The following EP300 variants were observed in gnomAD, a reference collection of about 807,000 sequenced individuals.
The protein encoded by EP300 is EP300 lysine acetyltransferase.
A neutral mutation model predicts 264.0 loss-of-function variants in EP300; 31 were observed. That is an observed-to-expected ratio of 0.12 (90% confidence interval 0.09 to 0.16). EP300 has a LOEUF of 0.16. Ranked by LOEUF, EP300 falls within the 10% of genes least tolerant of loss-of-function variation. EP300 has a pLI of 1.00. For synonymous variants in EP300, 1,340 were observed against 1,045.4 expected, an observed-to-expected ratio of 1.28 and a Z score of -5.44; for missense variants, 2,766 against 3,052.9, an observed-to-expected ratio of 0.91 and a Z score of 2.21.
At chr22:41,119,678 G>A (rs1303819963) in intron 2 of EP300, among the ~76,000 whole-genome samples, 2 of 152,084 alleles carry the variant, frequency 1.3e-5, no homozygotes, top group Non-Finnish European at 2.9e-5. Flanking sequence ...GACTATTATG[G>A]TTATAATCTT....
rs934845795 is a variant in EP300 at position 41,165,420 on chromosome 22, ATTTTCTTT to A, written c.3807-1166_3807-1159del. Among the ~76,000 whole-genome samples, 4 of 151,972 alleles carry A rather than the reference ATTTTCTTT, an allele frequency of 2.6e-5. No individual in the cohort carries two copies. In the East Asian group the frequency reaches 5.8e-4, roughly 22 times the overall value. The stretch of plus-strand genomic sequence containing the variant: ...CACTCTTTTGTACATACAATCATAC[ATTTTCTTT>A]TTTTCTTTTTTTGAGACAGAGTTTC... On this transcript the variant is annotated intron_variant, in intron 22 of 30. Transcript: ENST00000263253.
Position 41,146,861 on chromosome 22 carries a change from G to A in EP300, c.2131+45G>A, listed in dbSNP as rs191844376. 7.5e-5 allele frequency: 115 copies of A among 1,523,312 alleles called. No individual in the cohort carries two copies. The African/African-American group carries it at 1.1e-3, about 15-fold the overall frequency. 94.4% of individuals were successfully genotyped at this position (1,523,312 alleles called of 1,614,324 possible). A position where few individuals can be genotyped will look rare whatever the true frequency, so the allele number is the denominator to read the frequency against. On this transcript the variant is annotated intron_variant, in intron 11 of 30. Coordinates refer to ENST00000263253, the MANE Select transcript of EP300 (RefSeq NM_001429.4). Reference sequence around the variant, plus strand: ...TTTTTATTTTAAAAGAATCCCCGGTGTACTGCAAGATAATACTTGCTACCT... The same window carrying A: ...TTTTTATTTTAAAAGAATCCCCGGTATACTGCAAGATAATACTTGCTACCT...
chr22:41,097,813 T>G (rs770553375), intron 1 of EP300, among the ~76,000 whole-genome samples: 25 of 150,950 alleles, frequency 1.7e-4, no homozygotes, highest in Non-Finnish European at 2.9e-4. Context: ...TGAGGCAGAG[T>G]CTCGCTTTGT....
chr22:41,160,390 T>C (rs1181797496), intron 19 of EP300: 3 of 459,572 alleles, frequency 6.5e-6, no homozygotes, highest in Non-Finnish European at 1.2e-5. Flanking sequence ...TCCCTCATGC[T>C]TGTCGTTGTC....
intron 29 of EP300, among the ~76,000 whole-genome samples, chr22:41,175,456 C>G (rs2059195049): frequency 6.6e-6 from 1 of 152,190 alleles, no homozygotes; most frequent in African/African-American, 2.4e-5. Context: ...ACCTTTTACA[C>G]TAATGGTTAT....
chr22:41,104,231 C>T (rs1403377150), intron 1 of EP300, among the ~76,000 whole-genome samples: 1 of 151,800 alleles, frequency 6.6e-6, no homozygotes, highest in Non-Finnish European at 1.5e-5. Flanking sequence ...TAAAACATGT[C>T]CTTGAGTTGA....
Position 41,179,170 on chromosome 22 carries a change from G to T in EP300, c.*214G>T. 1.7e-6 allele frequency: 1 copy of T among 605,088 alleles called. No homozygotes were observed. The highest frequency in any genetic ancestry group is 2.9e-5 in the East Asian group (1 of 34,360). The allele number at this position is 605,088 out of a possible 1,614,324, so 37.5% of individuals were successfully genotyped here. On this transcript the variant is annotated 3_prime_UTR_variant, in exon 31 of 31. Transcript: ENST00000263253. ...CAAAGAATATATTTTTGTTATGGCT[G>T]GTTACCACCAGCCTTTCTTCCCCTT...
chr22:41,163,946 C>T (rs981281670), intron 21 of EP300, 107 bp from the exon 22 acceptor site: 1 of 1,021,238 alleles, frequency 9.8e-7, no homozygotes, highest in Non-Finnish European at 1.6e-6. Context: ...ATTTTCAGTT[C>T]TTTGGTCATG....
chr22:41,136,037 A>G, intron 7 of EP300, 131 bp downstream of exon 7: 2 of 769,400 alleles, frequency 2.6e-6, no homozygotes, highest in African/African-American at 1.7e-5. Context: ...GTTTGAGTCC[A>G]TTCTTTCTTT....
At chr22:41,112,798 T>A (rs2058800556) in intron 1 of EP300, among the ~76,000 whole-genome samples, 1 of 152,094 alleles carries the variant, frequency 6.6e-6, no homozygotes, top group Non-Finnish European at 1.5e-5. Context: ...AATTCGGATA[T>A]GGTGCTTTCT....
rs551648562 is a variant in EP300, at chr22:41,129,793, A to C, written c.1169-97A>C. 6.5e-5 allele frequency: 56 copies of C among 860,574 alleles called. No individual in the cohort carries two copies. The Middle Eastern group carries it at 1.1e-3, about 17-fold the overall frequency. The allele number at this position is 860,574 out of a possible 1,614,324, so 53.3% of individuals were successfully genotyped here. A position where few individuals can be genotyped will look rare whatever the true frequency, so the allele number is the denominator to read the frequency against. ...GCTGTTAGGAAGATGAAATAAGTTAATGCATTTATGTTACTTATTAAGTGG... is the reference window on the plus strand; with the variant it reads ...GCTGTTAGGAAGATGAAATAAGTTACTGCATTTATGTTACTTATTAAGTGG... On this transcript the variant is annotated intron_variant, in intron 4 of 30. Coordinates refer to ENST00000263253, the MANE Select transcript of EP300 (RefSeq NM_001429.4).
intron 23 of EP300, among the ~76,000 whole-genome samples, chr22:41,167,814 G>GGTTTGT (rs71328778): frequency 3.0e-5 from 2 of 66,208 alleles, no homozygotes; most frequent in East Asian, 4.4e-4. Flanking sequence ...GTTTGTTTTT[G>GGTTTGT]TTTTTTTTTT....
At chr22:41,102,480 C>G (rs2058737148) in intron 1 of EP300, among the ~76,000 whole-genome samples, 1 of 152,134 alleles carries the variant, frequency 6.6e-6, no homozygotes. Context: ...TGCTGTCTGA[C>G]TGGTAGAATA....
chr22:41,172,697 C>T (rs1219885329), intron 28 of EP300, 34 bp downstream of exon 28: 5 of 1,597,286 alleles, frequency 3.1e-6, no homozygotes, highest in Non-Finnish European at 4.3e-6. Context: ...AAACTTCTAT[C>T]ATGATTCTAA....
chr22:41,105,296 A>C (rs1014206013), intron 1 of EP300, among the ~76,000 whole-genome samples: 31 of 146,254 alleles, frequency 2.1e-4, no homozygotes, highest in African/African-American at 7.3e-4. Context: ...TGAACCCGGG[A>C]GGCGGAGGTT....
chr22:41,158,351 C>G (rs771831838), intron 18 of EP300, 61 bp from the exon 19 acceptor site: 12 of 1,381,926 alleles, frequency 8.7e-6, no homozygotes, highest in Non-Finnish European at 1.1e-5. Flanking sequence ...ACTTGCCATT[C>G]TTACTGTTCT....
At chr22:41,116,508 C>G (rs930266966) in intron 1 of EP300, among the ~76,000 whole-genome samples, 1 of 152,160 alleles carries the variant, frequency 6.6e-6, no homozygotes, top group Non-Finnish European at 1.5e-5. Flanking sequence ...GGTTTCCAGG[C>G]TTCATCCTTG....
intron 1 of EP300, among the ~76,000 whole-genome samples, chr22:41,097,985 C>T (rs1054750715): frequency 8.7e-5 from 13 of 148,744 alleles, no homozygotes; most frequent in African/African-American, 3.0e-4. Flanking sequence ...TGAGCCACCG[C>T]GCCCAGCTAA....
At chr22:41,094,378 A>G (rs1274765514) in intron 1 of EP300, among the ~76,000 whole-genome samples, 1 of 152,214 alleles carries the variant, frequency 6.6e-6, no homozygotes, top group African/African-American at 2.4e-5. Context: ...GAGGGTGAAA[A>G]TGGGAAGACA....
Sources: gnomAD v4.1 joint callset for allele counts (sites outside exome capture counted in the v4.1 genomes callset) on GRCh38, gnomAD v4.1.1 for gene constraint, MANE v1.5 for transcripts, NCBI Gene and HGNC (gene_info 2026-07-23, HGNC 2026-07-21) for gene names.